TGM3: variants seen among roughly 807,000 people sequenced by gnomAD.
The protein encoded by TGM3 is transglutaminase 3, also known as protein-glutamine gamma-glutamyltransferase E.
In TGM3, 52 loss-of-function variants were observed where a neutral mutation model predicts 73.8. The ratio of observed to expected loss-of-function variants is 0.70; its 90% CI spans 0.56 to 0.89. The LOEUF (loss-of-function observed/expected upper bound fraction) is 0.89, where lower values mean the gene tolerates loss of function less well. TGM3 is among the 40% of genes least tolerant of loss of function. The pLI, the probability that TGM3 is intolerant of heterozygous loss-of-function variation, is 0.00. For missense variants in TGM3, 928 were observed against 909.9 expected (o/e 1.02, Z -0.26); for synonymous variants, 372 against 354.9 (o/e 1.05, Z -0.54).
chr20:2,311,827 T>C (rs1344793270), intron 4 of TGM3, among the ~76,000 whole-genome samples: 2 of 152,046 alleles, frequency 1.3e-5, no homozygotes, highest in Non-Finnish European at 2.9e-5. Flanking sequence ...GAGGCTATTT[T>C]TTTTTATGGC....
At chr20:2,297,115 G>A (rs1479680220) in intron 1 of TGM3, among the ~76,000 whole-genome samples, 2 of 152,184 alleles carry the variant, frequency 1.3e-5, no homozygotes, top group Admixed American at 1.3e-4. Flanking sequence ...TGCAGCAAGA[G>A]GGGAGGTCAG....
intron 4 of TGM3, among the ~76,000 whole-genome samples, chr20:2,312,538 G>A (rs1600696473): frequency 6.6e-6 from 1 of 152,170 alleles, no homozygotes; most frequent in East Asian, 1.9e-4. Flanking sequence ...GGCAGCCGGG[G>A]CGTCGGCTAG....
chr20:2,331,143 C>T (rs896347411), intron 9 of TGM3, among the ~76,000 whole-genome samples: 1 of 152,230 alleles, frequency 6.6e-6, no homozygotes, highest in Admixed American at 6.5e-5. Context: ...AACATGGTCA[C>T]TCTTCCTTGT....
chr20:2,310,179 G>C lies in TGM3; in HGVS notation c.183G>C (p.Gly61=), dbSNP rs762296456. 2 of 1,614,070 alleles carry C rather than the reference G, an allele frequency of 1.2e-6. No individual in the cohort carries two copies. The highest frequency in any genetic ancestry group is 1.7e-6 in the Non-Finnish European group (2 of 1,180,046). Residue 61 remains glycine (G), a splice_region_variant and synonymous_variant, in exon 3 of 13, where the codon GGG becomes GGC. Coordinates refer to ENST00000381458, the MANE Select transcript of TGM3 (RefSeq NM_003245.4). ...NERLEFIVST[G]PYPSESAMTK... ...CTCAACCTCTGTCTTCTTTGACAGG[G>C]CCTTACCCCTCAGAGTCGGCCATGA...
intron 1 of TGM3, among the ~76,000 whole-genome samples, chr20:2,299,746 G>A (rs1409252573): frequency 6.6e-6 from 1 of 152,114 alleles, no homozygotes; most frequent in African/African-American, 2.4e-5. Flanking sequence ...ATGATAAACG[G>A]GCCTAAGGTA....
chr20:2,321,893 C>T (rs2084264759), intron 7 of TGM3, among the ~76,000 whole-genome samples: 1 of 152,196 alleles, frequency 6.6e-6, no homozygotes, highest in African/African-American at 2.4e-5. Flanking sequence ...TTGTTATCTG[C>T]TCTGCCTTAA....
At chr20:2,337,809 T>C (rs1368671476) in intron 11 of TGM3, among the ~76,000 whole-genome samples, 1 of 152,202 alleles carries the variant, frequency 6.6e-6, no homozygotes, top group Non-Finnish European at 1.5e-5. Flanking sequence ...CATTATCTTT[T>C]ATTCAACACT....
At position 2,318,749 on chromosome 20, in the gene TGM3, TA is replaced by T. The variant is rs529911118; in HGVS notation, c.983+1268del. 6.0e-4 allele frequency among the ~76,000 whole-genome samples: 92 copies of T among 152,378 alleles called. 1 individual carries two copies. The highest frequency in any genetic ancestry group is 2.1e-3 in the African/African-American group (88 of 41,592). ...ATGTTCAATTTTGAGATAGTCTACA[TA>T]AAATGTTTGTATTACTTATCATTCC... On this transcript the variant is annotated intron_variant, in intron 7 of 12. Transcript: ENST00000381458.
chr20:2,304,898 C>T (rs1351719875), intron 1 of TGM3, among the ~76,000 whole-genome samples: 4 of 152,132 alleles, frequency 2.6e-5, no homozygotes, highest in Admixed American at 2.6e-4. Context: ...ATCGGGAGTT[C>T]CCACCAGCCC....
At chr20:2,338,385 A>C (rs933773225) in intron 11 of TGM3, among the ~76,000 whole-genome samples, 1 of 152,212 alleles carries the variant, frequency 6.6e-6, no homozygotes, top group African/African-American at 2.4e-5. Context: ...TCTCAAATTA[A>C]ATATCACCAT....
At chr20:2,323,922 T>C (rs2084274251) in intron 7 of TGM3, among the ~76,000 whole-genome samples, 1 of 152,266 alleles carries the variant, frequency 6.6e-6, no homozygotes, top group East Asian at 1.9e-4. Context: ...TTTCTATTTC[T>C]TATTTTTTCA....
intron 1 of TGM3, 53 bp from the exon 2 acceptor site, chr20:2,309,604 A>T: frequency 6.3e-7 from 1 of 1,596,430 alleles, no homozygotes. Context: ...CCCTTCCCCC[A>T]CACCACCATC....
At chr20:2,319,112 C>T (rs1462684420) in intron 7 of TGM3, among the ~76,000 whole-genome samples, 4 of 152,194 alleles carry the variant, frequency 2.6e-5, no homozygotes, top group East Asian at 1.9e-4. Flanking sequence ...GAATGAGTGT[C>T]TTCTTTTCCC....
At chr20:2,321,147 A>G (rs573491009) in intron 7 of TGM3, among the ~76,000 whole-genome samples, 22 of 152,326 alleles carry the variant, frequency 1.4e-4, no homozygotes, top group African/African-American at 5.3e-4. Flanking sequence ...GCCCAGAAAC[A>G]ACTCAATTCA....
At chr20:2,309,567 C>T in intron 1 of TGM3, 90 bp from the exon 2 acceptor site, 1 of 1,400,150 alleles carries the variant, frequency 7.1e-7, no homozygotes, top group Non-Finnish European at 9.9e-7. Flanking sequence ...CAAGCCTCAC[C>T]CCAAAGCTGC....
chr20:2,331,987 T>C lies in TGM3; in HGVS notation c.1334-15T>C. 1 of 1,581,552 alleles carries C rather than the reference T, an allele frequency of 6.3e-7. No individual in the cohort carries two copies. The highest frequency in any genetic ancestry group is 1.2e-5 in the South Asian group (1 of 84,420). On this transcript the variant is annotated splice_polypyrimidine_tract_variant and intron_variant, in intron 9 of 12. Coordinates refer to ENST00000381458, the MANE Select transcript of TGM3 (RefSeq NM_003245.4). ...TCACATCCCTGGCATGTTTCTGTCTTTTCCCACCACACAGGCTCTGACCAG... is the reference window on the plus strand; with the variant it reads ...TCACATCCCTGGCATGTTTCTGTCTCTTCCCACCACACAGGCTCTGACCAG...
chr20:2,322,466 T>C (rs1332057690), intron 7 of TGM3, among the ~76,000 whole-genome samples: 1 of 152,198 alleles, frequency 6.6e-6, no homozygotes, highest in East Asian at 1.9e-4. Context: ...CCCTATGTCA[T>C]TAAAAAATCT....
At chr20:2,300,305 C>CT (rs1272696944) in intron 1 of TGM3, among the ~76,000 whole-genome samples, 1 of 152,082 alleles carries the variant, frequency 6.6e-6, no homozygotes, top group East Asian at 1.9e-4. Context: ...AGTGTCATCC[C>CT]TAACCAAAGA....
intron 1 of TGM3, among the ~76,000 whole-genome samples, chr20:2,300,440 C>G (rs531472983): frequency 3.3e-5 from 5 of 152,296 alleles, no homozygotes; most frequent in African/African-American, 4.8e-5. Flanking sequence ...GAAGAGAAGT[C>G]CTTCTGTCCT....
Sources: allele counts gnomAD v4.1 joint callset (sites outside exome capture counted in the v4.1 genomes callset), GRCh38; gene constraint gnomAD v4.1.1; transcripts MANE v1.5; gene names NCBI Gene and HGNC (gene_info 2026-07-23, HGNC 2026-07-21).